The following SMIM23 variants were observed in gnomAD, a reference collection of about 807,000 sequenced individuals.
SMIM23 encodes the protein small integral membrane protein 23.
Under a neutral mutation model 12.8 loss-of-function variants are expected in SMIM23, and 10 were observed. The ratio of observed to expected loss-of-function variants is 0.78; its 90% CI spans 0.48 to 1.32. The LOEUF (loss-of-function observed/expected upper bound fraction) is 1.32, where lower values mean the gene tolerates loss of function less well. Ranked by LOEUF, SMIM23 falls within the 40% of genes most tolerant of loss-of-function variation. SMIM23 has a pLI of 0.00. For synonymous variants in SMIM23, 78 were observed against 80.1 expected, an observed-to-expected ratio of 0.97 and a Z score of 0.14; for missense variants, 184 against 198.2, an observed-to-expected ratio of 0.93 and a Z score of 0.43.
At position 171,791,021 on chromosome 5, in the gene SMIM23, C is replaced by T. The variant is rs886971947; in HGVS notation, c.452C>T (p.Ala151Val). Residue 151 changes from alanine (A) to valine (V), a missense_variant, in exon 4 of 4, where the codon GCC becomes GTC. By Grantham distance (64) the Ala-to-Val change is moderately conservative (BLOSUM62 0). Coordinates refer to ENST00000523047, the MANE Select transcript of SMIM23 (RefSeq NM_001289970.2). ...YKSHLWEWAW[A>V]LGREHKGGEG... ...AGTCACTTGTGGGAGTGGGCCTGGGCCCTGGGGAGAGAGCACAAAGGTGGG... is the reference window on the plus strand; with the variant it reads ...AGTCACTTGTGGGAGTGGGCCTGGGTCCTGGGGAGAGAGCACAAAGGTGGG... 6.5e-7 allele frequency: 1 copy of T among 1,534,012 alleles called. No homozygotes were observed. The highest frequency in any genetic ancestry group is 8.7e-7 in the Non-Finnish European group (1 of 1,146,438).
upstream of SMIM23, among the ~76,000 whole-genome samples, chr5:171,783,959 G>A (rs765724423): frequency 7.6e-4 from 116 of 152,206 alleles, no homozygotes; most frequent in Non-Finnish European, 1.3e-3. Context: ...AAAGACGTTC[G>A]GGCAGGGCAT....
chr5:171,774,434 C>G, the SMIM23 span: 3 of 456,324 alleles, frequency 6.6e-6, no homozygotes, highest in African/African-American at 2.0e-5. Flanking sequence ...CAGGTCTGCT[C>G]GGCTGCACAG....
upstream of SMIM23, among the ~76,000 whole-genome samples, chr5:171,783,958 C>T (rs569155139): frequency 1.1e-3 from 161 of 152,174 alleles, no homozygotes; most frequent in African/African-American, 3.7e-3. Context: ...AAAAGACGTT[C>T]GGGCAGGGCA....
rs765294085 is a variant in SMIM23, at chr5:171,785,979, G to A, written c.105+3G>A. Reference sequence around the variant, plus strand: ...GCCACTGTGATGACGAGAAGCAGGTGAGGCCAGGCCAGGTACATGCTGCTT... The same window carrying A: ...GCCACTGTGATGACGAGAAGCAGGTAAGGCCAGGCCAGGTACATGCTGCTT... On this transcript the variant is annotated splice_donor_region_variant and intron_variant, in intron 1 of 3. Coordinates refer to ENST00000523047, the MANE Select transcript of SMIM23 (RefSeq NM_001289970.2). 29 of 1,535,604 alleles carry A rather than the reference G, an allele frequency of 1.9e-5. No individual in the cohort carries two copies. The African/African-American group carries it at 2.7e-4, about 14-fold the overall frequency.
chr5:171,780,890 G>A (rs1187226163), upstream of SMIM23, among the ~76,000 whole-genome samples: 1 of 152,118 alleles, frequency 6.6e-6, no homozygotes, highest in Non-Finnish European at 1.5e-5. Flanking sequence ...GCTGTCACAA[G>A]AATGGTAGAG....
chr5:171,774,105 T>C, the SMIM23 span: 12 of 356,628 alleles, frequency 3.4e-5, no homozygotes, highest in African/African-American at 2.6e-4. Flanking sequence ...AAGGCATTTG[T>C]AAGGATTGGG....
upstream of SMIM23, among the ~76,000 whole-genome samples, chr5:171,781,976 T>C (rs1755736273): frequency 6.6e-6 from 1 of 152,210 alleles, no homozygotes; most frequent in African/African-American, 2.4e-5. Flanking sequence ...AATGGACCAA[T>C]CAGCAGGATG....
At position 171,790,500 on chromosome 5, in the gene SMIM23, CAGAA is replaced by C. The variant is rs753170664; in HGVS notation, c.179_182del (p.Glu60GlyfsTer29). On this transcript the variant is annotated frameshift_variant, in exon 3 of 4. Transcript: ENST00000523047. LOFTEE classifies it low-confidence loss of function (END_TRUNC). ...GTTTCAGGAAGCAGTTGGGAGGTGT[CAGAA>C]AGGATCAGAGAATGTAACTACTACC... 5.9e-6 allele frequency: 9 copies of C among 1,536,698 alleles called. No individual in the cohort carries two copies. In the South Asian group the frequency reaches 1.1e-4, roughly 18 times the overall value.
chr5:171,778,800 T>A (rs955232833), upstream of SMIM23, among the ~76,000 whole-genome samples: 1 of 152,258 alleles, frequency 6.6e-6, no homozygotes, highest in African/African-American at 2.4e-5. Flanking sequence ...AATTCTTTCA[T>A]GGCATTGGAA....
chr5:171,784,974 G>A (rs1224288882), upstream of SMIM23, among the ~76,000 whole-genome samples: 1 of 152,070 alleles, frequency 6.6e-6, no homozygotes, highest in Non-Finnish European at 1.5e-5. Context: ...GTAGCATTTG[G>A]AATAAACAAA....
chr5:171,788,943 G>A (rs1054982422), intron 1 of SMIM23, among the ~76,000 whole-genome samples: 5 of 152,148 alleles, frequency 3.3e-5, no homozygotes, highest in Non-Finnish European at 5.9e-5. Flanking sequence ...AGGCTCAAGC[G>A]ATGCTCCTGC....
upstream of SMIM23, among the ~76,000 whole-genome samples, chr5:171,784,039 C>G (rs1286646994): frequency 6.6e-6 from 1 of 151,838 alleles, no homozygotes; most frequent in Non-Finnish European, 1.5e-5. Flanking sequence ...CCCAGAAGTT[C>G]AAGACCAGCC....
chr5:171,785,419 A>AT (rs1755797018), upstream of SMIM23, among the ~76,000 whole-genome samples: 2 of 147,038 alleles, frequency 1.4e-5, no homozygotes, highest in South Asian at 4.3e-4. Flanking sequence ...TTTTTTTGTA[A>AT]TTTTTTAAAA....
upstream of SMIM23, chr5:171,785,806 G>C (rs575383887): frequency 7.0e-6 from 9 of 1,292,392 alleles, no homozygotes; most frequent in Admixed American, 2.0e-5. Flanking sequence ...GACCACAGGT[G>C]GGGGAGGGGA....
chr5:171,783,822 C>A (rs761919423), upstream of SMIM23, among the ~76,000 whole-genome samples: 8 of 152,194 alleles, frequency 5.3e-5, no homozygotes, highest in Admixed American at 1.3e-4. Flanking sequence ...GGACTAGTAT[C>A]TAAAATGAGC....
chr5:171,790,650 T>C (rs1755905900), intron 3 of SMIM23, 101 bp downstream of exon 3: 1 of 1,386,490 alleles, frequency 7.2e-7, no homozygotes, highest in Non-Finnish European at 9.9e-7. Context: ...TAGTCGCTTG[T>C]CAAGTGCAGA....
upstream of SMIM23, among the ~76,000 whole-genome samples, chr5:171,778,281 CG>C (rs775952972): frequency 1.6e-3 from 236 of 151,420 alleles, no homozygotes; most frequent in Admixed American, 2.2e-3. Context: ...TGCTTGAACC[CG>C]GGAGGCAGAG....
upstream of SMIM23, among the ~76,000 whole-genome samples, chr5:171,779,287 T>C (rs1238844904): frequency 2.6e-5 from 4 of 152,250 alleles, no homozygotes; most frequent in African/African-American, 4.8e-5. Flanking sequence ...CTGGCCTTTC[T>C]GGACACACGT....
the SMIM23 span, among the ~76,000 whole-genome samples, chr5:171,776,067 C>T: frequency 1.3e-4 from 20 of 152,132 alleles, no homozygotes; most frequent in African/African-American, 2.4e-4. Context: ...TACGGGGTTT[C>T]GCCATGTTGG....
Sources: allele counts gnomAD v4.1 joint callset (sites outside exome capture counted in the v4.1 genomes callset), GRCh38; gene constraint gnomAD v4.1.1; transcripts MANE v1.5; gene names NCBI Gene and HGNC (gene_info 2026-07-23, HGNC 2026-07-21).